Variants in EEF1E1 observed in about 807,000 individuals in gnomAD.
EEF1E1 encodes the protein eukaryotic translation elongation factor 1 epsilon 1.
EEF1E1 carries 19 observed loss-of-function variants against 19.9 expected under a neutral mutation model. The ratio of observed to expected loss-of-function variants is 0.95; its 90% CI spans 0.66 to 1.40. The LOEUF (loss-of-function observed/expected upper bound fraction) is 1.40. Among genes scored for constraint, EEF1E1 ranks in the 40% most tolerant of loss-of-function variants. The pLI, the probability that EEF1E1 is intolerant of heterozygous loss-of-function variation, is 0.00. For synonymous variants in EEF1E1, 81 were observed against 80.0 expected (o/e 1.01, Z -0.07); for missense variants, 198 against 202.2 (o/e 0.98, Z 0.13).
intron 3 of EEF1E1, among the ~76,000 whole-genome samples, chr6:8,087,096 G>C (rs1757879408): frequency 1.3e-5 from 2 of 152,130 alleles, no homozygotes; most frequent in African/African-American, 4.8e-5. Context: ...GAAGGGCTGG[G>C]ACCAGGGAAC....
At chr6:8,093,124 G>A (rs1758066675) in intron 2 of EEF1E1, among the ~76,000 whole-genome samples, 2 of 151,780 alleles carry the variant, frequency 1.3e-5, no homozygotes, top group African/African-American at 2.4e-5. Flanking sequence ...AGCCTGCCTC[G>A]GCCTCCCAAA....
At chr6:8,102,310 C>G (rs1053747474) in intron 1 of EEF1E1, 125 bp downstream of exon 1, 88 of 1,051,820 alleles carry the variant, frequency 8.4e-5, no homozygotes, top group Non-Finnish European at 1.1e-4. Context: ...GGCGCAGACA[C>G]GTGGGGAGCT....
intron 3 of EEF1E1, among the ~76,000 whole-genome samples, chr6:8,073,961 G>A (rs1365157000): frequency 1.3e-5 from 2 of 152,134 alleles, no homozygotes; most frequent in Non-Finnish European, 2.9e-5. Context: ...TACACATCTG[G>A]CCTCCTCCCA....
At chr6:8,082,479 A>C (rs1163268791) in intron 3 of EEF1E1, among the ~76,000 whole-genome samples, 4 of 152,128 alleles carry the variant, frequency 2.6e-5, no homozygotes, top group African/African-American at 9.7e-5. Context: ...TGGTTTTGCC[A>C]TGTTGGCCAG....
At chr6:8,098,615 C>T (rs1263913555) in intron 1 of EEF1E1, among the ~76,000 whole-genome samples, 1 of 152,146 alleles carries the variant, frequency 6.6e-6, no homozygotes, top group Non-Finnish European at 1.5e-5. Context: ...CTTGACTTCT[C>T]ACTTTTGTCT....
At chr6:8,090,775 T>C (rs1438273725) in intron 2 of EEF1E1, among the ~76,000 whole-genome samples, 2 of 152,226 alleles carry the variant, frequency 1.3e-5, no homozygotes, top group Non-Finnish European at 2.9e-5. Flanking sequence ...AGATACCTCA[T>C]ATAAGTGCAG....
intron 2 of EEF1E1, among the ~76,000 whole-genome samples, chr6:8,094,293 T>C (rs1561643767): frequency 6.6e-6 from 1 of 151,996 alleles, no homozygotes; most frequent in Admixed American, 6.6e-5. Flanking sequence ...GCAGTTTCTC[T>C]TGCAGGAATT....
At chr6:8,083,909 G>C (rs1292549136) in intron 3 of EEF1E1, among the ~76,000 whole-genome samples, 2 of 152,102 alleles carry the variant, frequency 1.3e-5, no homozygotes, top group East Asian at 3.9e-4. Context: ...GTATGTATTT[G>C]TACCCAACTT....
Position 8,079,724 on chromosome 6 carries a change from C to A in EEF1E1, c.*166G>T. 7.9e-7 allele frequency: 1 copy of A among 1,272,058 alleles called. No individual in the cohort carries two copies. The highest frequency in any genetic ancestry group is 3.1e-5 in the South Asian group (1 of 32,052). 78.8% of individuals were successfully genotyped at this position (1,272,058 alleles called of 1,614,324 possible). ...TGACATAAAAATTGCAAAACTTCAGCTAAAGAACAAATAAAACATTCAGAC... is the reference window on the plus strand; with the variant it reads ...TGACATAAAAATTGCAAAACTTCAGATAAAGAACAAATAAAACATTCAGAC... On this transcript the variant is annotated 3_prime_UTR_variant, in exon 4 of 4. Coordinates refer to ENST00000379715, the MANE Select transcript of EEF1E1 (RefSeq NM_004280.5).
chr6:8,095,446 T>A lies in EEF1E1; in HGVS notation c.288+1821A>T, dbSNP rs1053987759. On this transcript the variant is annotated intron_variant, in intron 2 of 3. Coordinates refer to ENST00000379715, the MANE Select transcript of EEF1E1 (RefSeq NM_004280.5). ...TGAACCCAGGAGGCGGAGGTTGCAG[T>A]GAGCCAAGATTACGCCATTGCATTC... 5 of 350,552 alleles carry A rather than the reference T, an allele frequency of 1.4e-5. 1 individual carries two copies. Among genetic ancestry groups the A allele is most frequent in the Admixed American group, 1.3e-4 (4 of 31,484 alleles). 21.7% of individuals were successfully genotyped at this position (350,552 alleles called of 1,614,324 possible). A position where few individuals can be genotyped will look rare whatever the true frequency, so the allele number is the denominator to read the frequency against.
intron 3 of EEF1E1, among the ~76,000 whole-genome samples, chr6:8,083,630 A>G (rs758429284): frequency 1.1e-4 from 17 of 152,252 alleles, no homozygotes; most frequent in Non-Finnish European, 2.2e-4. Context: ...TAACTCAGCC[A>G]TGACTAAAAT....
chr6:8,090,408 CTT>C lies in EEF1E1; in HGVS notation c.289-129_289-128del, dbSNP rs1344948493. On this transcript the variant is annotated intron_variant, in intron 2 of 3. Coordinates refer to ENST00000379715, the MANE Select transcript of EEF1E1 (RefSeq NM_004280.5). ...AATATTGCCATTTAATAAATTTACT[CTT>C]TGACATTAATATTCATTCAAAATCA... 5.9e-5 allele frequency: 40 copies of C among 679,562 alleles called. No homozygotes were observed. In the East Asian group the frequency reaches 1.3e-3, roughly 22 times the overall value. 42.1% of individuals were successfully genotyped at this position (679,562 alleles called of 1,614,324 possible). A position where few individuals can be genotyped will look rare whatever the true frequency, so the allele number is the denominator to read the frequency against.
intron 3 of EEF1E1, among the ~76,000 whole-genome samples, chr6:8,080,477 G>A (rs781131764): frequency 6.6e-6 from 1 of 152,218 alleles, no homozygotes; most frequent in African/African-American, 2.4e-5. Context: ...TGACTCAGAT[G>A]AAGGAGGCTG....
At chr6:8,101,374 C>T (rs957184050) in intron 1 of EEF1E1, among the ~76,000 whole-genome samples, 1 of 140,780 alleles carries the variant, frequency 7.1e-6, no homozygotes, top group Non-Finnish European at 1.5e-5. Flanking sequence ...AATATATACA[C>T]TAAGCTAGGG....
intron 2 of EEF1E1, among the ~76,000 whole-genome samples, chr6:8,092,868 G>GTTGTTTTTTTTTTTTTTTTTTT (rs1554099258): frequency 2.8e-5 from 3 of 108,202 alleles, no homozygotes; most frequent in Non-Finnish European, 5.6e-5. Context: ...GATAAAGACT[G>GTTGTTTTTTTTTTTTTTTTTTT]CTTTTTTTTT....
rs893763211 is a variant in EEF1E1, at chr6:8,090,234, G to A, written c.336C>T (p.Asn112=). ...LEDKVYLTGY[N]FTLADILLYY... is the part of the protein sequence containing the mutation. The stretch of plus-strand genomic sequence containing the variant: ...ACAATAGTATATCTGCTAATGTAAA[G>A]TTATACCCTGTAAGGTAGACTTTAT... Residue 112 remains asparagine, a synonymous_variant, in exon 3 of 4, where the codon AAC becomes AAT. Coordinates refer to ENST00000379715, the MANE Select transcript of EEF1E1 (RefSeq NM_004280.5). 6.6e-7 allele frequency: 1 copy of A among 1,519,288 alleles called. No homozygotes were observed. The allele number at this position is 1,519,288 out of a possible 1,614,324, so 94.1% of individuals were successfully genotyped here. A position where few individuals can be genotyped will look rare whatever the true frequency, so the allele number is the denominator to read the frequency against.
intron 2 of EEF1E1, among the ~76,000 whole-genome samples, chr6:8,096,673 T>C (rs756959397): frequency 6.6e-6 from 1 of 152,202 alleles, no homozygotes; most frequent in African/African-American, 2.4e-5. Flanking sequence ...TCTTTTTATA[T>C]AAATAAATTA....
At chr6:8,093,723 G>C (rs1004290208) in intron 2 of EEF1E1, among the ~76,000 whole-genome samples, 6 of 151,166 alleles carry the variant, frequency 4.0e-5, no homozygotes, top group Admixed American at 4.0e-4. Flanking sequence ...ACATGTAAGT[G>C]AATTTTTAAA....
At chr6:8,090,144 C>T (rs1245418848) in intron 3 of EEF1E1, 42 bp downstream of exon 3, 1 of 1,443,644 alleles carries the variant, frequency 6.9e-7, no homozygotes, top group Non-Finnish European at 9.3e-7. Flanking sequence ...AAATCATTCT[C>T]AACACTACAG....
Sources: allele counts gnomAD v4.1 joint callset (sites outside exome capture counted in the v4.1 genomes callset), GRCh38; gene constraint gnomAD v4.1.1; transcripts MANE v1.5; gene names NCBI Gene and HGNC (gene_info 2026-07-23, HGNC 2026-07-21).